RAD51B: variants seen among roughly 807,000 people sequenced by gnomAD.
The protein encoded by RAD51B is RAD51 paralog B.
A neutral mutation model predicts 42.2 loss-of-function variants in RAD51B; 38 were observed. The ratio of observed to expected loss-of-function variants is 0.90; its 90% confidence interval spans 0.70 to 1.18. The LOEUF (loss-of-function observed/expected upper bound fraction) is 1.18. Ranked by LOEUF, RAD51B falls within the 50% of genes most tolerant of loss-of-function variation. The pLI is 0.00. For synonymous variants in RAD51B, 154 were observed against 145.2 expected (o/e 1.06, Z -0.43); for missense variants, 373 against 400.7 (o/e 0.93, Z 0.59).
chr14:68,188,263 TG>T (rs1413910793), intron 7 of RAD51B, among the ~76,000 whole-genome samples: 2 of 152,002 alleles, frequency 1.3e-5, no homozygotes, highest in East Asian at 3.9e-4. Flanking sequence ...TTTTCTTTGT[TG>T]TTCTTCTTTT....
At chr14:68,211,244 A>G (rs1459526390) in intron 7 of RAD51B, among the ~76,000 whole-genome samples, 1 of 152,120 alleles carries the variant, frequency 6.6e-6, no homozygotes, top group African/African-American at 2.4e-5. Flanking sequence ...CTAGTGACTG[A>G]TTTATCTGAA....
chr14:67,871,857 T>A (rs2042544352), intron 5 of RAD51B, among the ~76,000 whole-genome samples: 1 of 152,196 alleles, frequency 6.6e-6, no homozygotes, highest in Non-Finnish European at 1.5e-5. Context: ...TCTCAATAGA[T>A]GCAGAAGAGG....
intron 7 of RAD51B, among the ~76,000 whole-genome samples, chr14:68,126,678 A>G (rs2077767392): frequency 6.6e-6 from 1 of 152,194 alleles, no homozygotes; most frequent in African/African-American, 2.4e-5. Flanking sequence ...TTGTTTTCCA[A>G]TCAAAATGGA....
At chr14:68,270,855 G>C (rs975821089) in intron 7 of RAD51B, among the ~76,000 whole-genome samples, 1 of 152,034 alleles carries the variant, frequency 6.6e-6, no homozygotes, top group Non-Finnish European at 1.5e-5. Flanking sequence ...GCAAGTTAGG[G>C]GATAAAGCCC....
At chr14:68,335,171 C>T (rs1295272486) in intron 8 of RAD51B, among the ~76,000 whole-genome samples, 1 of 149,966 alleles carries the variant, frequency 6.7e-6, no homozygotes, top group Non-Finnish European at 1.5e-5. Context: ...GTGGCGGGTG[C>T]TTGTAATTCC....
intron 7 of RAD51B, among the ~76,000 whole-genome samples, chr14:68,183,231 A>C (rs1202496246): frequency 1.3e-5 from 2 of 152,216 alleles, no homozygotes; most frequent in African/African-American, 2.4e-5. Flanking sequence ...TAGGGAAACC[A>C]ACAGTGCAGC....
intron 8 of RAD51B, among the ~76,000 whole-genome samples, chr14:68,359,520 C>G (rs1169910137): frequency 6.6e-6 from 1 of 152,120 alleles, no homozygotes; most frequent in African/African-American, 2.4e-5. Flanking sequence ...GTGGGAAACG[C>G]AAACAGCTGC....
At chr14:68,580,039 G>T (rs1424171991) in intron 10 of RAD51B, among the ~76,000 whole-genome samples, 7 of 152,226 alleles carry the variant, frequency 4.6e-5, no homozygotes, top group Admixed American at 4.6e-4. Flanking sequence ...ATGGAGCTTC[G>T]AAGGGGACTT....
chr14:68,346,946 C>A (rs1304574051), intron 8 of RAD51B, among the ~76,000 whole-genome samples: 1 of 152,100 alleles, frequency 6.6e-6, no homozygotes, highest in East Asian at 1.9e-4. Flanking sequence ...CCCCTCTTGC[C>A]TTCCCTCTAC....
chr14:68,514,056 G>T (rs2140317681), intron 10 of RAD51B, among the ~76,000 whole-genome samples: 1 of 152,324 alleles, frequency 6.6e-6, no homozygotes, highest in East Asian at 1.9e-4. Flanking sequence ...GCAAACGGTG[G>T]TCACTGTGAT....
At chr14:68,173,383 A>G (rs1194421459) in intron 7 of RAD51B, among the ~76,000 whole-genome samples, 1 of 152,196 alleles carries the variant, frequency 6.6e-6, no homozygotes, top group Non-Finnish European at 1.5e-5. Flanking sequence ...CTGTGGGAAC[A>G]CTCTGGCCTT....
At chr14:68,571,093 G>T (rs955613565) in intron 10 of RAD51B, among the ~76,000 whole-genome samples, 2 of 152,194 alleles carry the variant, frequency 1.3e-5, no homozygotes, top group Non-Finnish European at 2.9e-5. Flanking sequence ...GCAGAGGGGG[G>T]AGGCAGAGAC....
chr14:68,412,269 G>A (rs34422043), intron 9 of RAD51B, among the ~76,000 whole-genome samples: 7,536 of 149,230 alleles, frequency 0.05, 252 homozygotes, highest in Non-Finnish European at 0.075. Context: ...TTATCCTGCT[G>A]TGTGACCAGA....
At chr14:68,291,183 TTTTAA>T (rs933896345) in intron 7 of RAD51B, among the ~76,000 whole-genome samples, 2 of 151,988 alleles carry the variant, frequency 1.3e-5, no homozygotes, top group African/African-American at 4.8e-5. Context: ...TTTATTTTGT[TTTTAA>T]TTTATTTTTA....
chr14:67,898,793 G>C (rs912120416), intron 7 of RAD51B, among the ~76,000 whole-genome samples: 3 of 152,154 alleles, frequency 2.0e-5, no homozygotes, highest in African/African-American at 7.2e-5. Flanking sequence ...AAGAATTCAA[G>C]AGGCACTTAA....
chr14:68,128,729 C>G (rs547306431), intron 7 of RAD51B, among the ~76,000 whole-genome samples: 1 of 152,124 alleles, frequency 6.6e-6, no homozygotes, highest in Non-Finnish European at 1.5e-5. Flanking sequence ...AGATACTGCT[C>G]TGTATCTCTG....
intron 7 of RAD51B, among the ~76,000 whole-genome samples, chr14:68,035,955 A>G (rs2076114819): frequency 6.6e-6 from 1 of 152,176 alleles, no homozygotes; most frequent in African/African-American, 2.4e-5. Context: ...TATGATCTAG[A>G]TGGCAGTTTA....
intron 11 of RAD51B, among the ~76,000 whole-genome samples, chr14:68,682,612 G>A (rs1893454610): frequency 6.6e-6 from 1 of 152,184 alleles, no homozygotes; most frequent in South Asian, 2.1e-4. Context: ...GAGCCCCCTG[G>A]AAGTCATTAT....
chr14:67,926,558 C>CTTTTTTTTT (rs534207569), intron 7 of RAD51B, among the ~76,000 whole-genome samples: 17 of 85,124 alleles, frequency 2.0e-4, no homozygotes, highest in Middle Eastern at 0.013. Flanking sequence ...GATATGTTTC[C>CTTTTTTTTT]TTTTTTTTTT....
Sources: allele counts gnomAD v4.1 joint callset (sites outside exome capture counted in the v4.1 genomes callset), GRCh38; gene constraint gnomAD v4.1.1; transcripts MANE v1.5; gene names NCBI Gene and HGNC (gene_info 2026-07-23, HGNC 2026-07-21).